The following ITGA9 variants were observed in gnomAD, a reference collection of about 807,000 sequenced individuals.
ITGA9 encodes the protein integrin subunit alpha 9, also known as integrin alpha-9.
A neutral mutation model predicts 127.8 loss-of-function variants in ITGA9; 56 were observed. The ratio of observed to expected loss-of-function variants is 0.44; its 90% confidence interval spans 0.35 to 0.55. ITGA9 has a LOEUF of 0.55. Among genes scored for constraint, ITGA9 ranks in the 20% least tolerant of loss-of-function variants. The pLI, the probability that ITGA9 is intolerant of heterozygous loss-of-function variation, is 0.00. For missense variants in ITGA9, 1,196 were observed against 1,347.1 expected, an observed-to-expected ratio of 0.89 and a Z score of 1.76; for synonymous variants, 508 against 514.5, an observed-to-expected ratio of 0.99 and a Z score of 0.17.
At chr3:37,697,165 T>G (rs560861077) in intron 18 of ITGA9, among the ~76,000 whole-genome samples, 1 of 152,076 alleles carries the variant, frequency 6.6e-6, no homozygotes, top group Non-Finnish European at 1.5e-5. Context: ...GGCTAGAGAC[T>G]CGATTGTACT....
chr3:37,464,977 T>G (rs1698354597), intron 1 of ITGA9, among the ~76,000 whole-genome samples: 1 of 150,996 alleles, frequency 6.6e-6, no homozygotes, highest in Non-Finnish European at 1.5e-5. Context: ...TTCCCCGTGG[T>G]GGACACACAG....
chr3:37,539,219 CCTTA>C (rs1306961935), intron 14 of ITGA9, among the ~76,000 whole-genome samples: 1 of 152,196 alleles, frequency 6.6e-6, no homozygotes, highest in Admixed American at 6.5e-5. Context: ...ATTTGCTTTT[CCTTA>C]CTTACCCTGT....
chr3:37,538,826 T>C (rs1699238742), intron 14 of ITGA9, among the ~76,000 whole-genome samples: 1 of 152,212 alleles, frequency 6.6e-6, no homozygotes. Flanking sequence ...GTAGAAGTAA[T>C]TTCCTTTGGG....
At chr3:37,571,044 A>G (rs974521560) in intron 15 of ITGA9, among the ~76,000 whole-genome samples, 1 of 152,160 alleles carries the variant, frequency 6.6e-6, no homozygotes, top group African/African-American at 2.4e-5. Flanking sequence ...TCCCTTTAGG[A>G]GTGGTAATTT....
rs975227991 is a variant in ITGA9, at chr3:37,734,170, A to T, written c.2154+1372A>T. 2.0e-5 allele frequency among the ~76,000 whole-genome samples: 3 copies of T among 152,202 alleles called. No homozygotes were observed. The South Asian group carries it at 6.2e-4, about 32-fold the overall frequency. On this transcript the variant is annotated intron_variant, in intron 19 of 27. Transcript: ENST00000264741. ...TCCTCATTCTGTCCACATTCACCCCAGGAGGAGGGAAACCTCAATAAGTGT... is the reference window on the plus strand; with the variant it reads ...TCCTCATTCTGTCCACATTCACCCCTGGAGGAGGGAAACCTCAATAAGTGT...
intron 15 of ITGA9, among the ~76,000 whole-genome samples, chr3:37,545,953 C>T (rs3016003): frequency 0.63 from 96,022 of 152,060 alleles, 30,802 homozygotes; most frequent in East Asian, 0.86. Flanking sequence ...GTCAGAGGCC[C>T]GGTTTGTGTC....
chr3:37,656,534 A>G (rs1486895327), intron 17 of ITGA9, among the ~76,000 whole-genome samples: 2 of 152,190 alleles, frequency 1.3e-5, no homozygotes, highest in Non-Finnish European at 2.9e-5. Flanking sequence ...ATTTTTGCAC[A>G]TTGATTTTGT....
At chr3:37,472,506 C>G (rs1006141291) in intron 2 of ITGA9, among the ~76,000 whole-genome samples, 2 of 152,118 alleles carry the variant, frequency 1.3e-5, no homozygotes, top group Non-Finnish European at 2.9e-5. Context: ...TCAAGCGATT[C>G]TCCTGCCTCA....
intron 25 of ITGA9, among the ~76,000 whole-genome samples, chr3:37,783,800 C>T (rs957577364): frequency 3.3e-5 from 5 of 152,134 alleles, no homozygotes; most frequent in African/African-American, 1.2e-4. Context: ...ACAAGCTTCC[C>T]AAAAGCATTT....
chr3:37,809,916 G>A (rs1697346360), intron 27 of ITGA9, among the ~76,000 whole-genome samples: 2 of 152,128 alleles, frequency 1.3e-5, no homozygotes, highest in South Asian at 2.1e-4. Context: ...TGACTTATAC[G>A]GGAGGTCTTA....
At chr3:37,746,990 G>A (rs575547225) in intron 22 of ITGA9, among the ~76,000 whole-genome samples, 1 of 152,060 alleles carries the variant, frequency 6.6e-6, no homozygotes, top group Non-Finnish European at 1.5e-5. Flanking sequence ...AGATTCCCTG[G>A]ATTCTCTCTC....
intron 15 of ITGA9, among the ~76,000 whole-genome samples, chr3:37,591,287 AT>A (rs1406948031): frequency 6.6e-6 from 1 of 152,136 alleles, no homozygotes; most frequent in Non-Finnish European, 1.5e-5. Context: ...CCTGGAATTT[AT>A]TTGCTGGAGC....
intron 15 of ITGA9, among the ~76,000 whole-genome samples, chr3:37,546,878 C>T (rs996963204): frequency 6.6e-6 from 1 of 152,200 alleles, no homozygotes; most frequent in African/African-American, 2.4e-5. Flanking sequence ...TTTATGTGTT[C>T]TTACCTGGAT....
At chr3:37,743,062 TAAC>T (rs1696457802) in intron 21 of ITGA9, among the ~76,000 whole-genome samples, 1 of 152,138 alleles carries the variant, frequency 6.6e-6, no homozygotes, top group Non-Finnish European at 1.5e-5. Context: ...TGGGAGGTGT[TAAC>T]AGCCCCTGAT....
At chr3:37,481,436 T>A (rs1354106858) in intron 3 of ITGA9, 48 bp from the exon 4 acceptor site, 2 of 1,613,542 alleles carry the variant, frequency 1.2e-6, no homozygotes, top group African/African-American at 1.3e-5. Context: ...TGCTTTGTGA[T>A]CTTTTGGGGC....
At chr3:37,621,849 T>C (rs951418276) in intron 15 of ITGA9, among the ~76,000 whole-genome samples, 1 of 152,198 alleles carries the variant, frequency 6.6e-6, no homozygotes. Flanking sequence ...AAATCTCTAA[T>C]CTGATTGAGA....
At chr3:37,583,042 C>T (rs1344712776) in intron 15 of ITGA9, among the ~76,000 whole-genome samples, 2 of 152,162 alleles carry the variant, frequency 1.3e-5, no homozygotes, top group African/African-American at 2.4e-5. Flanking sequence ...AACTAGTGGC[C>T]CGCAGGCTGA....
chr3:37,533,404 T>C lies in ITGA9; in HGVS notation c.1464T>C (p.Pro488=). The change falls in exon 14 of 28, where the codon CCT becomes CCC. Residue 488 remains proline (P), a synonymous_variant. Transcript: ENST00000264741. ...TAPQCHDGQQ[P]VNCLNVTTCF... ...CTCAGTGTCACGACGGACAGCAGCC[T>C]GTGAACTGCCTGAACGTCACCACCT... is the stretch of plus-strand genomic sequence containing the variant. The C allele has an allele frequency of 6.2e-7, 1 of 1,614,204 alleles. No individual in the cohort carries two copies. Among genetic ancestry groups the C allele is most frequent in the Non-Finnish European group, 8.5e-7 (1 of 1,180,042 alleles).
At chr3:37,698,344 G>A (rs1407279490) in intron 18 of ITGA9, among the ~76,000 whole-genome samples, 1 of 152,156 alleles carries the variant, frequency 6.6e-6, no homozygotes, top group Non-Finnish European at 1.5e-5. Context: ...AGTTTAATTA[G>A]ATCCCATTTG....
Sources: gnomAD v4.1 joint callset for allele counts (sites outside exome capture counted in the v4.1 genomes callset) on GRCh38, gnomAD v4.1.1 for gene constraint, MANE v1.5 for transcripts, NCBI Gene and HGNC (gene_info 2026-07-23, HGNC 2026-07-21) for gene names.